DCBLD2: variants seen among roughly 807,000 people sequenced by gnomAD.
DCBLD2 encodes discoidin, CUB and LCCL domain-containing protein 2.
A neutral mutation model predicts 86.8 loss-of-function variants in DCBLD2; 54 were observed. The observed-to-expected ratio is 0.62, with a 90% confidence interval of 0.50 to 0.78. DCBLD2 has a LOEUF of 0.78. DCBLD2 is among the 30% of genes least tolerant of loss of function. The pLI, the probability that DCBLD2 is intolerant of heterozygous loss-of-function variation, is 0.00. For missense variants in DCBLD2, 908 were observed against 954.2 expected (o/e 0.95, Z 0.64); for synonymous variants, 354 against 341.3 (o/e 1.04, Z -0.41).
intron 3 of DCBLD2, among the ~76,000 whole-genome samples, chr3:98,831,608 T>A (rs116555429): frequency 1.6e-3 from 251 of 152,338 alleles, no homozygotes; most frequent in Admixed American, 6.5e-3. Flanking sequence ...ATTTCTCTTG[T>A]AACAATGCCT....
At chr3:98,865,704 CTTT>C (rs908569479) in intron 2 of DCBLD2, among the ~76,000 whole-genome samples, 1 of 134,888 alleles carries the variant, frequency 7.4e-6, no homozygotes, top group Non-Finnish European at 1.7e-5. Context: ...ATACAATTTT[CTTT>C]TTTTATATAT....
chr3:98,823,886 T>C (rs1409938038), intron 4 of DCBLD2, among the ~76,000 whole-genome samples: 1 of 152,138 alleles, frequency 6.6e-6, no homozygotes, highest in Non-Finnish European at 1.5e-5. Flanking sequence ...CAGGACTCTG[T>C]ACCGCCCCCA....
intron 3 of DCBLD2, among the ~76,000 whole-genome samples, chr3:98,833,663 G>A (rs1942366035): frequency 6.6e-6 from 1 of 152,174 alleles, no homozygotes; most frequent in Admixed American, 6.5e-5. Flanking sequence ...GTCCAGTGAG[G>A]AGAAGTGAGG....
At chr3:98,854,361 G>C (rs35366262) in intron 2 of DCBLD2, among the ~76,000 whole-genome samples, 9,718 of 152,192 alleles carry the variant, frequency 0.064, 374 homozygotes, top group African/African-American at 0.078. Flanking sequence ...CCTGCTTGGA[G>C]TGGTTGAGTG....
intron 2 of DCBLD2, among the ~76,000 whole-genome samples, chr3:98,870,737 A>AAGAAAGAAAGAAAAG (rs60463776): frequency 1.4e-5 from 1 of 69,798 alleles, no homozygotes; most frequent in Admixed American, 1.6e-4. Flanking sequence ...AAAAGAAAGA[A>AAGAAAGAAAGAAAAG]AAAGAAAGAA....
Position 98,901,361 on chromosome 3 carries a change from T to TGCCTCGGCAGCCCCGCGC in DCBLD2, c.-53_-36dup. The TGCCTCGGCAGCCCCGCGC allele has an allele frequency of 1.5e-6, 2 of 1,303,062 alleles. No individual in the cohort carries two copies. The highest frequency in any genetic ancestry group is 1.9e-6 in the Non-Finnish European group (2 of 1,033,508). 80.7% of individuals were successfully genotyped at this position (1,303,062 alleles called of 1,614,324 possible). On this transcript the variant is annotated 5_prime_UTR_variant, in exon 1 of 16. Transcript: ENST00000326840. ...CGGCAGTCTGCCTGCATAGTGCGGG[T>TGCCTCGGCAGCCCCGCGC]GCCTCGGCAGCCCCGCGCGCCTCTG...
intron 2 of DCBLD2, among the ~76,000 whole-genome samples, chr3:98,876,848 T>C (rs1322129707): frequency 6.6e-6 from 1 of 152,114 alleles, no homozygotes; most frequent in Admixed American, 6.6e-5. Context: ...ATGAGGACTA[T>C]CCTACAAAAT....
rs145742240 is a variant in DCBLD2, at chr3:98,896,685, T to C, written c.205+4437A>G. Among the ~76,000 whole-genome samples, 123 of 152,346 alleles carry C rather than the reference T, an allele frequency of 8.1e-4. 1 individual carries two copies. The East Asian group carries it at 0.016, about 19-fold the overall frequency. On this transcript the variant is annotated intron_variant, in intron 1 of 15. Transcript: ENST00000326840. Reference sequence around the variant, plus strand: ...CGTTTTTAGTTTTGAGTAATAATCATTGTTATCCATACAATATTTAAAAAT... The same window carrying C: ...CGTTTTTAGTTTTGAGTAATAATCACTGTTATCCATACAATATTTAAAAAT...
intron 3 of DCBLD2, among the ~76,000 whole-genome samples, chr3:98,830,076 T>A (rs1942293650): frequency 6.6e-6 from 1 of 152,336 alleles, no homozygotes; most frequent in South Asian, 2.1e-4. Flanking sequence ...CTTTACCTGC[T>A]TTTTAATGTT....
intron 1 of DCBLD2, among the ~76,000 whole-genome samples, chr3:98,885,336 A>G (rs1323229513): frequency 2.0e-5 from 3 of 152,144 alleles, no homozygotes; most frequent in African/African-American, 7.2e-5. Context: ...GACTGGATAA[A>G]TAGCTTAACT....
Position 98,879,369 on chromosome 3 carries a change from C to T in DCBLD2, c.433+2171G>A, listed in dbSNP as rs1576200026. ...CTTTACCATCACTGAATGCCCAATG[C>T]TTCAAATTTCTCTGATAATCTTTTT... On this transcript the variant is annotated intron_variant, in intron 2 of 15. Coordinates refer to ENST00000326840, the MANE Select transcript of DCBLD2 (RefSeq NM_080927.4). Among the ~76,000 whole-genome samples the T allele has an allele frequency of 3.9e-5, 6 of 152,188 alleles. No individual in the cohort carries two copies. The South Asian group carries it at 1.3e-3, about 32-fold the overall frequency.
chr3:98,843,578 T>G (rs1942659271), intron 3 of DCBLD2, among the ~76,000 whole-genome samples: 1 of 152,164 alleles, frequency 6.6e-6, no homozygotes, highest in Non-Finnish European at 1.5e-5. Context: ...ATTTGCAAAC[T>G]CATATAATCT....
At chr3:98,898,792 A>G (rs1018528646) in intron 1 of DCBLD2, among the ~76,000 whole-genome samples, 7 of 152,204 alleles carry the variant, frequency 4.6e-5, no homozygotes, top group Non-Finnish European at 8.8e-5. Context: ...TGAGTAAAAA[A>G]TTTAATTTTT....
At chr3:98,856,843 A>G (rs1454081892) in intron 2 of DCBLD2, among the ~76,000 whole-genome samples, 5 of 152,072 alleles carry the variant, frequency 3.3e-5, no homozygotes, top group Non-Finnish European at 2.9e-5. Context: ...TGAAAAGAAG[A>G]AAAAAAACAG....
chr3:98,879,697 A>G (rs909490090), intron 2 of DCBLD2, among the ~76,000 whole-genome samples: 12 of 152,256 alleles, frequency 7.9e-5, no homozygotes, highest in African/African-American at 2.7e-4. Context: ...AGATCCAAGC[A>G]AAGTCTACAT....
chr3:98,828,280 G>A (rs1284194806), intron 3 of DCBLD2, among the ~76,000 whole-genome samples: 3 of 152,046 alleles, frequency 2.0e-5, no homozygotes, highest in Non-Finnish European at 4.4e-5. Context: ...CACACAGAAT[G>A]GGAGAAAACA....
intron 3 of DCBLD2, among the ~76,000 whole-genome samples, chr3:98,840,509 T>C (rs1942601094): frequency 6.6e-6 from 1 of 152,182 alleles, no homozygotes; most frequent in Non-Finnish European, 1.5e-5. Context: ...CAGTATATAA[T>C]TTACATTTCT....
chr3:98,849,493 A>T lies in DCBLD2; in HGVS notation c.539T>A (p.Phe180Tyr), dbSNP rs770902854. ...MSGIHVSGRG[F>Y]LASYSVIDKQ... ...ATCTATAACAGAGTATGAGGCCAAA[A>T]ATCCGCGTCCAGAAACATGGATTCC... is the stretch of plus-strand genomic sequence containing the variant. The change falls in exon 3 of 16, where the codon TTT (phenylalanine) becomes TAT (tyrosine). Residue 180 changes from phenylalanine to tyrosine, a missense_variant. Physicochemically the swap from Phe to Tyr is conservative, Grantham distance 22. Around this residue, in one of 3 missense-constraint regions of DCBLD2, gnomAD observed 294 missense variants for 256.0 expected, o/e 1.15. Coordinates refer to ENST00000326840, the MANE Select transcript of DCBLD2 (RefSeq NM_080927.4). 2 of 1,613,956 alleles carry T rather than the reference A, an allele frequency of 1.2e-6. No individual in the cohort carries two copies. The highest frequency in any genetic ancestry group is 2.2e-5 in the South Asian group (2 of 91,076).
At chr3:98,846,876 T>A (rs548659771) in intron 3 of DCBLD2, among the ~76,000 whole-genome samples, 1 of 64,610 alleles carries the variant, frequency 1.5e-5, no homozygotes, top group Non-Finnish European at 3.8e-5. Flanking sequence ...TATGAGAACC[T>A]TTTTTTAAAA....
Sources: gnomAD v4.1 joint callset for allele counts (sites outside exome capture counted in the v4.1 genomes callset) on GRCh38, gnomAD v4.1.1 for gene constraint, gnomAD v4.1.1 regional missense constraint, MANE v1.5 for transcripts, NCBI Gene and HGNC (gene_info 2026-07-23, HGNC 2026-07-21) for gene names.